The following FOXP1 variants were observed in gnomAD, a reference collection of about 807,000 sequenced individuals.
FOXP1 encodes the protein forkhead box P1, also known as forkhead box protein P1.
In FOXP1, 15 loss-of-function variants were observed where a neutral mutation model predicts 98.2. That is an observed-to-expected ratio of 0.15 (90% confidence interval 0.10 to 0.24). The LOEUF is 0.24. Ranked by LOEUF, FOXP1 falls within the 10% of genes least tolerant of loss-of-function variation. The pLI, the probability that FOXP1 is intolerant of heterozygous loss-of-function variation, is 1.00. For synonymous variants in FOXP1, 371 were observed against 314.5 expected (o/e 1.18, Z -1.90); for missense variants, 633 against 848.5 (o/e 0.75, Z 3.15).
chr3:71,000,909 C>T (rs2107612168), intron 13 of FOXP1, 63 bp downstream of exon 13: 1 of 1,035,708 alleles, frequency 9.7e-7, no homozygotes, highest in Non-Finnish European at 1.5e-6. Context: ...CATTACAGAA[C>T]ACTACAGAAA....
rs1017162788 is a variant in FOXP1, at chr3:71,137,973, G to A, written c.181-25336C>T. 3.3e-5 allele frequency among the ~76,000 whole-genome samples: 5 copies of A among 151,968 alleles called. No individual in the cohort carries two copies. In the South Asian group the frequency reaches 8.3e-4, roughly 25 times the overall value. On this transcript the variant is annotated intron_variant, in intron 6 of 20. Transcript: ENST00000649528. ...CAAGGACAGTGCAGGATGTGAGAAC[G>A]GCCTTACAAGGACCCTCCAAGATAT...
chr3:71,075,636 C>T (rs1334629096), intron 7 of FOXP1, among the ~76,000 whole-genome samples: 4 of 152,168 alleles, frequency 2.6e-5, no homozygotes, highest in African/African-American at 9.7e-5. Flanking sequence ...ATACCCCAGC[C>T]AGTTCATCAC....
intron 7 of FOXP1, among the ~76,000 whole-genome samples, chr3:71,075,494 A>G (rs1290087227): frequency 1.3e-5 from 2 of 152,224 alleles, no homozygotes; most frequent in Admixed American, 6.5e-5. Flanking sequence ...TTAACTCAGC[A>G]GCGGCAGATC....
chr3:71,360,215 C>T (rs1338794785), intron 3 of FOXP1, among the ~76,000 whole-genome samples: 1 of 152,172 alleles, frequency 6.6e-6, no homozygotes, highest in Non-Finnish European at 1.5e-5. Flanking sequence ...ATCTTTTAGC[C>T]TATCTCAATG....
intron 5 of FOXP1, among the ~76,000 whole-genome samples, chr3:71,239,371 C>T (rs1378460136): frequency 1.3e-5 from 2 of 151,888 alleles, no homozygotes; most frequent in Admixed American, 6.6e-5. Flanking sequence ...GGTGAAACCC[C>T]GTCTCTACTA....
At chr3:71,226,706 C>G (rs918173865) in intron 5 of FOXP1, among the ~76,000 whole-genome samples, 2 of 151,996 alleles carry the variant, frequency 1.3e-5, no homozygotes, top group Non-Finnish European at 2.9e-5. Flanking sequence ...ATCCCTTTCT[C>G]TCTGCTTGTC....
intron 3 of FOXP1, among the ~76,000 whole-genome samples, chr3:71,446,275 G>A (rs751639945): frequency 6.6e-6 from 1 of 152,016 alleles, no homozygotes; most frequent in African/African-American, 2.4e-5. Flanking sequence ...ATTCAGGCTC[G>A]GGCACAGTGG....
intron 6 of FOXP1, among the ~76,000 whole-genome samples, chr3:71,169,900 C>A (rs2061566129): frequency 6.6e-6 from 1 of 151,904 alleles, no homozygotes; most frequent in Non-Finnish European, 1.5e-5. Flanking sequence ...AATTTTGCAA[C>A]CTCCATCATA....
intron 3 of FOXP1, among the ~76,000 whole-genome samples, chr3:71,411,276 GGCGTGTGT>G (rs2082708958): frequency 8.9e-6 from 1 of 112,664 alleles, no homozygotes; most frequent in African/African-American, 3.4e-5. Context: ...AGGCTGAATG[GGCGTGTGT>G]GTGTGTGTGT....
chr3:70,984,370 T>C (rs1206701628), intron 14 of FOXP1, among the ~76,000 whole-genome samples: 2 of 152,238 alleles, frequency 1.3e-5, no homozygotes, highest in African/African-American at 4.8e-5. Flanking sequence ...CCTGCTCATC[T>C]TGTAGGTTTC....
At chr3:71,357,954 A>G (rs1240276289) in intron 4 of FOXP1, among the ~76,000 whole-genome samples, 4 of 149,880 alleles carry the variant, frequency 2.7e-5, no homozygotes, top group South Asian at 2.1e-4. Flanking sequence ...TCTCTGAGGG[A>G]AAAAAAAAAC....
At chr3:71,032,033 G>A (rs1044047768) in intron 11 of FOXP1, among the ~76,000 whole-genome samples, 1 of 152,220 alleles carries the variant, frequency 6.6e-6, no homozygotes, top group Non-Finnish European at 1.5e-5. Context: ...GTACATGTGA[G>A]TGTGTGTGCG....
At chr3:71,573,341 CCG>C (rs2047479601) in intron 2 of FOXP1, among the ~76,000 whole-genome samples, 1 of 151,742 alleles carries the variant, frequency 6.6e-6, no homozygotes, top group African/African-American at 2.4e-5. Flanking sequence ...GAGAGTCCCT[CCG>C]TCCCCACCCC....
chr3:71,198,499 C>T, intron 5 of FOXP1, 107 bp from the exon 6 acceptor site: 1 of 959,696 alleles, frequency 1.0e-6, no homozygotes, highest in Non-Finnish European at 1.6e-6. Flanking sequence ...TTAAATGTTG[C>T]CAAAATCTGT....
intron 6 of FOXP1, among the ~76,000 whole-genome samples, chr3:71,149,226 G>A (rs4677551): frequency 0.34 from 52,347 of 152,078 alleles, 9,616 homozygotes; most frequent in East Asian, 0.61. Context: ...GTCTGCGTGG[G>A]CTATGGGAGG....
At chr3:71,377,071 G>C (rs2079774798) in intron 3 of FOXP1, among the ~76,000 whole-genome samples, 1 of 152,078 alleles carries the variant, frequency 6.6e-6, no homozygotes, top group Non-Finnish European at 1.5e-5. Flanking sequence ...CTGATGTTAA[G>C]GTGTTAAAAC....
rs143722732 is a variant in FOXP1, at chr3:71,434,255, T to G, written c.-168+59171A>C. ...TGAAAGATACAGAAAATAATGACGT[T>G]AGGCACTGGATCCTAGAGCCCCCCC... On this transcript the variant is annotated intron_variant, in intron 3 of 20. Transcript: ENST00000649528. 3.9e-3 allele frequency among the ~76,000 whole-genome samples: 595 copies of G among 152,214 alleles called. 4 individuals are homozygous for G. The highest frequency in any genetic ancestry group is 0.01 in the Middle Eastern group (3 of 294).
At chr3:71,150,647 T>C (rs1576049149) in intron 6 of FOXP1, among the ~76,000 whole-genome samples, 1 of 152,306 alleles carries the variant, frequency 6.6e-6, no homozygotes. Flanking sequence ...TTATTATTAC[T>C]AGAATTTCCC....
Position 71,551,272 on chromosome 3 carries a change from A to G in FOXP1, c.-298+30277T>C, listed in dbSNP as rs148326121. The stretch of plus-strand genomic sequence containing the variant: ...TCTATAAAATGTCAAGACATTTATA[A>G]AAGTGTGCTATAAAACAAAATGACA... On this transcript the variant is annotated intron_variant, in intron 2 of 20. Transcript: ENST00000649528. Among the ~76,000 whole-genome samples the G allele has an allele frequency of 6.2e-3, 938 of 152,298 alleles. 7 individuals are homozygous for G. The highest frequency in any genetic ancestry group is 0.014 in the Middle Eastern group (4 of 294).
Sources: gnomAD v4.1 joint callset for allele counts (sites outside exome capture counted in the v4.1 genomes callset) on GRCh38, gnomAD v4.1.1 for gene constraint, MANE v1.5 for transcripts, NCBI Gene and HGNC (gene_info 2026-07-23, HGNC 2026-07-21) for gene names.